ST6GAL1: variants seen among roughly 807,000 people sequenced by gnomAD.
ST6GAL1 encodes the protein beta-galactoside alpha-2,6-sialyltransferase 1.
In ST6GAL1, 20 loss-of-function variants were observed where a neutral mutation model predicts 38.0. That is an observed-to-expected ratio of 0.53 (90% CI 0.37 to 0.77). The LOEUF (loss-of-function observed/expected upper bound fraction) is 0.77, where lower values mean the gene tolerates loss of function less well. ST6GAL1 is among the 30% of genes least tolerant of loss of function. The pLI is 0.00. For synonymous variants in ST6GAL1, 196 were observed against 188.2 expected, an observed-to-expected ratio of 1.04 and a Z score of -0.34; for missense variants, 432 against 496.4, an observed-to-expected ratio of 0.87 and a Z score of 1.23.
In ST6GAL1 at chr3:187,077,255, C is replaced by A; in HGVS notation, c.*1452C>A. ...CCACTGTAGTTTGCAGACATGCTCT[C>A]CAGATGGTTTTACTAAGTCCCCTCT... On this transcript the variant is annotated 3_prime_UTR_variant, in exon 8 of 8. Coordinates refer to ENST00000169298, the MANE Select transcript of ST6GAL1 (RefSeq NM_173216.2). 3.1e-6 allele frequency: 1 copy of A among 324,868 alleles called. No individual in the cohort carries two copies. The allele number at this position is 324,868 out of a possible 1,614,324, so 20.1% of individuals were successfully genotyped here. A position where few individuals can be genotyped will look rare whatever the true frequency, so the allele number is the denominator to read the frequency against.
At chr3:186,943,694 C>T (rs920784035) in intron 1 of ST6GAL1, among the ~76,000 whole-genome samples, 32 of 152,212 alleles carry the variant, frequency 2.1e-4, no homozygotes, top group Admixed American at 5.9e-4. Context: ...GTGATCCGCC[C>T]GCCTCAGCCT....
chr3:186,995,575 G>A (rs1044924735), intron 2 of ST6GAL1, among the ~76,000 whole-genome samples: 1 of 151,702 alleles, frequency 6.6e-6, no homozygotes, highest in East Asian at 1.9e-4. Flanking sequence ...GCATGGTGGC[G>A]GCTCACTCCT....
At chr3:187,012,781 C>G (rs1716999122) in intron 2 of ST6GAL1, among the ~76,000 whole-genome samples, 1 of 152,206 alleles carries the variant, frequency 6.6e-6, no homozygotes, top group Admixed American at 6.5e-5. Flanking sequence ...TTTTCTTCCC[C>G]TGAGCACATT....
intron 2 of ST6GAL1, among the ~76,000 whole-genome samples, chr3:187,010,982 A>G (rs1268453871): frequency 6.6e-6 from 1 of 152,182 alleles, no homozygotes; most frequent in Non-Finnish European, 1.5e-5. Flanking sequence ...GAGAACTTTG[A>G]GCGTTAGCTG....
At chr3:187,009,625 C>T (rs992879042) in intron 2 of ST6GAL1, among the ~76,000 whole-genome samples, 8 of 152,022 alleles carry the variant, frequency 5.3e-5, no homozygotes, top group African/African-American at 1.4e-4. Flanking sequence ...GAGTGAGACC[C>T]GGTCTCTAAA....
At chr3:187,021,155 G>A (rs894525131) in intron 2 of ST6GAL1, among the ~76,000 whole-genome samples, 7 of 151,970 alleles carry the variant, frequency 4.6e-5, no homozygotes, top group Non-Finnish European at 8.8e-5. Context: ...GTAGAGATGG[G>A]ATTTCACCAT....
chr3:187,042,003 C>A (rs1032255412), intron 3 of ST6GAL1: 1 of 127,498 alleles, frequency 7.8e-6, no homozygotes, highest in Admixed American at 8.0e-5. Flanking sequence ...GCTCTTCTTG[C>A]AGGGCACTGC....
intron 4 of ST6GAL1, among the ~76,000 whole-genome samples, chr3:187,050,534 AAG>A (rs147505225): frequency 0.052 from 4,546 of 87,344 alleles, 165 homozygotes; most frequent in African/African-American, 0.1. Flanking sequence ...CTTACAAAGA[AAG>A]AGAGAGAGAG....
intron 2 of ST6GAL1, among the ~76,000 whole-genome samples, chr3:186,992,020 C>T (rs566468394): frequency 6.6e-6 from 1 of 152,302 alleles, no homozygotes; most frequent in East Asian, 1.9e-4. Context: ...GAATCCAGTT[C>T]TTCAAACTGA....
intron 1 of ST6GAL1, among the ~76,000 whole-genome samples, chr3:186,953,450 T>C (rs772890216): frequency 3.3e-5 from 5 of 152,192 alleles, no homozygotes; most frequent in Non-Finnish European, 7.3e-5. Flanking sequence ...GGTTTCTATT[T>C]AGATGTCACC....
chr3:187,046,485 G>T (rs909551489), intron 4 of ST6GAL1, among the ~76,000 whole-genome samples: 3 of 152,234 alleles, frequency 2.0e-5, no homozygotes, highest in Non-Finnish European at 4.4e-5. Flanking sequence ...ATAATCCAGG[G>T]AAGAAGACCA....
intron 5 of ST6GAL1, among the ~76,000 whole-genome samples, chr3:187,061,547 A>T (rs1718915039): frequency 6.6e-6 from 1 of 152,202 alleles, no homozygotes. Context: ...ATAGAATAAA[A>T]GTCCAGAAAT....
intron 5 of ST6GAL1, among the ~76,000 whole-genome samples, chr3:187,069,852 C>T (rs1363039776): frequency 6.6e-6 from 1 of 152,194 alleles, no homozygotes; most frequent in Non-Finnish European, 1.5e-5. Flanking sequence ...CAGGAACACA[C>T]ATCCCCCCAC....
At chr3:187,067,540 A>T (rs1040195244) in intron 5 of ST6GAL1, among the ~76,000 whole-genome samples, 1 of 151,542 alleles carries the variant, frequency 6.6e-6, no homozygotes, top group East Asian at 1.9e-4. Context: ...TCCCAGCCCC[A>T]GCCACTTTCT....
chr3:186,983,564 A>G (rs577075363), intron 2 of ST6GAL1, among the ~76,000 whole-genome samples: 1 of 152,232 alleles, frequency 6.6e-6, no homozygotes, highest in East Asian at 1.9e-4. Flanking sequence ...TGAGGTGAGA[A>G]AAAAGGGAAG....
At position 187,051,480 on chromosome 3, in the gene ST6GAL1, C is replaced by T. The variant is rs1718511869; in HGVS notation, c.705+134C>T. The T allele has an allele frequency of 5.5e-6, 4 of 729,456 alleles. No homozygotes were observed. The Admixed American group carries it at 7.4e-5, about 14-fold the overall frequency. 45.2% of individuals were successfully genotyped at this position (729,456 alleles called of 1,614,324 possible). Reference sequence around the variant, plus strand: ...ATCTTCCTGAGTTCCTGATTCCTCACTGGAGAAGAAGACAATGATTCCATG... The same window carrying T: ...ATCTTCCTGAGTTCCTGATTCCTCATTGGAGAAGAAGACAATGATTCCATG... On this transcript the variant is annotated intron_variant, in intron 5 of 7. Transcript: ENST00000169298.
At chr3:187,005,043 C>G (rs1462401164) in intron 2 of ST6GAL1, among the ~76,000 whole-genome samples, 1 of 150,550 alleles carries the variant, frequency 6.6e-6, no homozygotes, top group Non-Finnish European at 1.5e-5. Flanking sequence ...ATAAGAAGTA[C>G]ATTTTATGGT....
chr3:186,976,729 C>T (rs911011857), intron 2 of ST6GAL1, among the ~76,000 whole-genome samples: 5 of 152,192 alleles, frequency 3.3e-5, no homozygotes, highest in Admixed American at 3.3e-4. Context: ...TGTGCCCGGC[C>T]TTAATTCTTA....
chr3:187,016,584 T>A (rs1397674752), intron 2 of ST6GAL1, among the ~76,000 whole-genome samples: 10 of 152,148 alleles, frequency 6.6e-5, no homozygotes, highest in Non-Finnish European at 1.2e-4. Context: ...GAGTGATGAC[T>A]TCTGTGGATC....
Sources: allele counts gnomAD v4.1 joint callset (sites outside exome capture counted in the v4.1 genomes callset), GRCh38; gene constraint gnomAD v4.1.1; transcripts MANE v1.5; gene names NCBI Gene and HGNC (gene_info 2026-07-23, HGNC 2026-07-21).